The following ADA2 variants were observed in gnomAD, a reference collection of about 807,000 sequenced individuals.
ADA2 encodes the protein adenosine deaminase CECR1.
Under a neutral mutation model 44.2 loss-of-function variants are expected in ADA2, and 29 were observed. The ratio of observed to expected loss-of-function variants is 0.66; its 90% CI spans 0.49 to 0.89. ADA2 has a LOEUF of 0.89. Ranked by LOEUF, ADA2 falls within the 40% of genes least tolerant of loss-of-function variation. ADA2 has a pLI of 0.00. For missense variants in ADA2, 637 were observed against 644.8 expected, an observed-to-expected ratio of 0.99 and a Z score of 0.13; for synonymous variants, 215 against 234.9, an observed-to-expected ratio of 0.92 and a Z score of 0.77.
intron 4 of ADA2, among the ~76,000 whole-genome samples, chr22:17,192,167 C>T (rs1023426579): frequency 2.0e-5 from 3 of 152,124 alleles, no homozygotes; most frequent in African/African-American, 7.2e-5. Flanking sequence ...CGGCCTTGGG[C>T]ATTGTCTCTG....
rs1244358917 is a variant in ADA2, at chr22:17,185,002, A to G, written c.1082-2241T>C. 1.6e-4 allele frequency among the ~76,000 whole-genome samples: 22 copies of G among 135,744 alleles called. 1 individual carries two copies. Among genetic ancestry groups the G allele is most frequent in the African/African-American group, 6.3e-4 (22 of 35,200 alleles). 89.1% of individuals were successfully genotyped at this position (135,744 alleles called of 152,430 possible). A position where few individuals can be genotyped will look rare whatever the true frequency, so the allele number is the denominator to read the frequency against. Reference sequence around the variant, plus strand: ...TGTCAAAATATATATATATATATATATATATGAAAACTCCACTTTCCTGAT... The same window carrying G: ...TGTCAAAATATATATATATATATATGTATATGAAAACTCCACTTTCCTGAT... On this transcript the variant is annotated intron_variant, in intron 7 of 9. Coordinates refer to ENST00000399837, the MANE Select transcript of ADA2 (RefSeq NM_001282225.2).
At chr22:17,183,403 CT>C (rs1278723959) in intron 7 of ADA2, among the ~76,000 whole-genome samples, 1 of 149,140 alleles carries the variant, frequency 6.7e-6, no homozygotes, top group African/African-American at 2.5e-5. Context: ...AGTTTTAAAC[CT>C]TCGTCTCTCT....
At chr22:17,191,847 C>A in intron 4 of ADA2, 37 bp from the exon 5 acceptor site, 1 of 1,587,226 alleles carries the variant, frequency 6.3e-7, no homozygotes, top group Non-Finnish European at 8.6e-7. Context: ...GTCAGGTGAG[C>A]AGTGAGAGAC....
Position 17,203,628 on chromosome 22 carries a change from G to C in ADA2, c.688C>G (p.Arg230Gly). The C allele has an allele frequency of 6.2e-7, 1 of 1,613,968 alleles. No homozygotes were observed. Among genetic ancestry groups the C allele is most frequent in the African/African-American group, 1.3e-5 (1 of 75,058 alleles). Reference protein sequence around the residue: ...YAPVFRDYVFRSMQEFYEDNV... With the variant: ...YAPVFRDYVFGSMQEFYEDNV... Reference sequence around the variant, plus strand: ...TCCTCGTAGAACTCCTGCATGCTCCGGAAGACATAGTCTCTGAACACTGGT... The same window carrying C: ...TCCTCGTAGAACTCCTGCATGCTCCCGAAGACATAGTCTCTGAACACTGGT... The change falls in exon 4 of 10, where the codon CGG becomes GGG. Residue 230 changes from arginine (R) to glycine (G), a missense_variant. By Grantham distance (125) the Arg-to-Gly change is moderately radical. Coordinates refer to ENST00000399837, the MANE Select transcript of ADA2 (RefSeq NM_001282225.2).
In ADA2 at chr22:17,179,463, T is replaced by C. The variant is rs553991914; in HGVS notation, c.*2020A>G. The C allele has an allele frequency of 6.6e-6, 1 of 152,346 alleles. No individual in the cohort carries two copies. Among genetic ancestry groups the C allele is most frequent in the African/African-American group, 2.4e-5 (1 of 41,574 alleles). The allele number at this position is 152,346 out of a possible 1,614,324, so 9.4% of individuals were successfully genotyped here. A position where few individuals can be genotyped will look rare whatever the true frequency, so the allele number is the denominator to read the frequency against. ...AGACACAGAAATAAATATCCGATTATAAGCTGTGATTAGAGGCATGATGGA... is the reference window on the plus strand; with the variant it reads ...AGACACAGAAATAAATATCCGATTACAAGCTGTGATTAGAGGCATGATGGA... On this transcript the variant is annotated 3_prime_UTR_variant, in exon 10 of 10. Transcript: ENST00000399837.
intron 2 of ADA2, among the ~76,000 whole-genome samples, chr22:17,208,280 C>T (rs1482354171): frequency 1.3e-5 from 2 of 151,282 alleles, no homozygotes; most frequent in Non-Finnish European, 2.9e-5. Flanking sequence ...AAAAATTAGC[C>T]AGGCATGGTG....
At chr22:17,211,663 C>T (rs1372968017) in intron 1 of ADA2, among the ~76,000 whole-genome samples, 6 of 152,124 alleles carry the variant, frequency 3.9e-5, no homozygotes, top group Admixed American at 3.9e-4. Context: ...GGCGCAGTGG[C>T]TCACCCCTGT....
At chr22:17,214,232 G>T in intron 1 of ADA2, 1 of 448,166 alleles carries the variant, frequency 2.2e-6, no homozygotes. Context: ...GTTTCCTTTG[G>T]TATATTCTAG....
At chr22:17,189,790 C>T in intron 6 of ADA2, 152 bp downstream of exon 6, 1 of 623,502 alleles carries the variant, frequency 1.6e-6, no homozygotes, top group Admixed American at 2.4e-5. Flanking sequence ...CTCTGAGCAG[C>T]CCTGCTGTGT....
rs1019680311 is a variant in ADA2, at chr22:17,207,203, C to T, written c.410G>A (p.Cys137Tyr). 6.2e-7 allele frequency: 1 copy of T among 1,614,168 alleles called. No individual in the cohort carries two copies. The highest frequency in any genetic ancestry group is 8.5e-7 in the Non-Finnish European group (1 of 1,179,992). Residue 137 changes from cysteine to tyrosine, a missense_variant, in exon 3 of 10, where the codon TGT becomes TAT. Coordinates refer to ENST00000399837, the MANE Select transcript of ADA2 (RefSeq NM_001282225.2). Reference sequence around the variant, plus strand: ...CTGCATGATCCCCCTTGGGGTGAAACAGATGTGGCAGTGAGGCCTGTAGGT... The same window carrying T: ...CTGCATGATCCCCCTTGGGGTGAAATAGATGTGGCAGTGAGGCCTGTAGGT... ...NVTYRPHCHI[C>Y]FTPRGIMQFR...
At chr22:17,187,665 TA>T (rs34113994) in intron 7 of ADA2, among the ~76,000 whole-genome samples, 8,878 of 136,662 alleles carry the variant, frequency 0.065, 294 homozygotes, top group Admixed American at 0.079. Flanking sequence ...CACGAAAAAT[TA>T]AAAAAAAAAA....
At chr22:17,219,047 T>G (rs1201257780) in intron 1 of ADA2, among the ~76,000 whole-genome samples, 1 of 152,000 alleles carries the variant, frequency 6.6e-6, no homozygotes, top group Admixed American at 6.6e-5. Flanking sequence ...ATCACAGCTA[T>G]TAGGGAGGCT....
intron 4 of ADA2, among the ~76,000 whole-genome samples, chr22:17,200,882 C>CAAAAA (rs3078427): frequency 8.4e-6 from 1 of 119,266 alleles, no homozygotes. Flanking sequence ...AACTCTGCCT[C>CAAAAA]AAAAAAAAAA....
intron 4 of ADA2, chr22:17,192,906 T>C: frequency 3.7e-6 from 2 of 542,416 alleles, no homozygotes; most frequent in East Asian, 4.3e-5. Flanking sequence ...TTTGGCATCA[T>C]GGCCACCCTC....
intron 1 of ADA2, among the ~76,000 whole-genome samples, chr22:17,215,761 A>G (rs2062464763): frequency 6.6e-6 from 1 of 152,166 alleles, no homozygotes; most frequent in Non-Finnish European, 1.5e-5. Context: ...TCATAGATAT[A>G]GAGAATAGAA....
rs1449125739 is a variant in ADA2 at position 17,189,939 on chromosome 22, T to C, written c.972+3A>G. On this transcript the variant is annotated splice_donor_region_variant and intron_variant, in intron 6 of 9. Transcript: ENST00000399837. Reference sequence around the variant, plus strand: ...CAGCCCTTCTGTTCACAGCATGGGTTACCAGGTCAAACCCTGCCACCACCG... The same window carrying C: ...CAGCCCTTCTGTTCACAGCATGGGTCACCAGGTCAAACCCTGCCACCACCG... 1 of 1,609,190 alleles carries C rather than the reference T, an allele frequency of 6.2e-7. No homozygotes were observed. Among genetic ancestry groups the C allele is most frequent in the East Asian group, 2.2e-5 (1 of 44,866 alleles).
chr22:17,194,040 C>T, intron 4 of ADA2, among the ~76,000 whole-genome samples: 1 of 137,672 alleles, frequency 7.3e-6, no homozygotes, highest in South Asian at 2.3e-4. Flanking sequence ...AAAAAAGAAA[C>T]AATAGAATAA....
intron 1 of ADA2, among the ~76,000 whole-genome samples, chr22:17,214,601 T>G (rs1310065868): frequency 6.6e-6 from 1 of 152,122 alleles, no homozygotes; most frequent in East Asian, 1.9e-4. Context: ...TGGGTGCCCC[T>G]CCAAGCTTCC....
chr22:17,198,599 T>C (rs1242828542), intron 4 of ADA2: 1 of 152,180 alleles, frequency 6.6e-6, no homozygotes, highest in Non-Finnish European at 1.5e-5. Context: ...AAATGCTTAC[T>C]GTATGAACGA....
Sources: gnomAD v4.1 joint callset for allele counts (sites outside exome capture counted in the v4.1 genomes callset) on GRCh38, gnomAD v4.1.1 for gene constraint, MANE v1.5 for transcripts, NCBI Gene and HGNC (gene_info 2026-07-23, HGNC 2026-07-21) for gene names.